The following CATSPERD variants were observed in gnomAD, a reference collection of about 807,000 sequenced individuals.
CATSPERD encodes the protein cation channel sperm-associated auxiliary subunit delta.
A neutral mutation model predicts 98.1 loss-of-function variants in CATSPERD; 86 were observed. The observed-to-expected ratio is 0.88, with a 90% confidence interval of 0.74 to 1.05. The LOEUF is 1.05. CATSPERD is among the 50% of genes least tolerant of loss of function. The probability of loss-of-function intolerance (pLI) is 0.00; values close to 1 mark genes in which losing one functional copy is unlikely to be tolerated. For missense variants in CATSPERD, 995 were observed against 1,005.7 expected (o/e 0.99, Z 0.14); for synonymous variants, 394 against 390.2 (o/e 1.01, Z -0.12).
In CATSPERD at chr19:5,745,955, G is replaced by A. The variant is rs201497391; in HGVS notation, c.700G>A (p.Gly234Arg). Residue 234 changes from glycine (G) to arginine (R), a missense_variant, in exon 9 of 22, where the codon GGG (glycine) becomes AGG (arginine). Transcript: ENST00000381624. ...YSDHPLNRSF[G>R]LSFDYNGTLD... is the part of the protein sequence containing the mutation. The stretch of plus-strand genomic sequence containing the variant: ...AGATCACCCCCTCAACCGGAGTTTC[G>A]GGCTGTCTTTTGACTATAATGGGAC... The A allele has an allele frequency of 8.7e-6, 14 of 1,613,890 alleles. No homozygotes were observed. The highest frequency in any genetic ancestry group is 6.7e-5 in the African/African-American group (5 of 74,894).
chr19:5,744,373 AAC>A, intron 7 of CATSPERD, 52 bp from the exon 8 acceptor site: 2 of 1,434,126 alleles, frequency 1.4e-6, no homozygotes, highest in Admixed American at 1.9e-5. Context: ...TAAACCGACA[AAC>A]ACATGTGTAT....
intron 10 of CATSPERD, 103 bp from the exon 11 acceptor site, chr19:5,748,998 G>T: frequency 1.1e-6 from 1 of 888,910 alleles, no homozygotes. Flanking sequence ...TCAAAGTGTT[G>T]GAATTACAGG....
intron 15 of CATSPERD, among the ~76,000 whole-genome samples, chr19:5,761,619 G>GCTGGATGGTGT (rs1555725201): frequency 3.9e-5 from 6 of 151,972 alleles, no homozygotes; most frequent in Admixed American, 2.0e-4. Context: ...GGCGGAAGGC[G>GCTGGATGGTGT]AAGGGGAAAC....
chr19:5,722,864 T>A (rs1333538134), intron 1 of CATSPERD, among the ~76,000 whole-genome samples: 1 of 151,988 alleles, frequency 6.6e-6, no homozygotes, highest in Non-Finnish European at 1.5e-5. Context: ...GACTTCATAA[T>A]TTTCCTCAGC....
rs1429917020 is a variant in CATSPERD, at chr19:5,723,614, CA to C, written c.72-1192del. ...CGAGTAGCTGGGACTACAGGTGCCG[CA>C]ACCACGCCCGGCTAATTTTTTTGTG... is the stretch of plus-strand genomic sequence containing the variant. On this transcript the variant is annotated intron_variant, in intron 1 of 21. Coordinates refer to ENST00000381624, the MANE Select transcript of CATSPERD (RefSeq NM_152784.4). Among the ~76,000 whole-genome samples, 4 of 151,136 alleles carry C rather than the reference CA, an allele frequency of 2.6e-5. No homozygotes were observed. In the East Asian group the frequency reaches 7.8e-4, roughly 30 times the overall value.
In CATSPERD at chr19:5,758,758, G is replaced by GA. The variant is rs372154578; in HGVS notation, c.1369-320dup. ...ACTCAGTCTTAAAAAAAAAAGAGAA[G>GA]AAAAAAAAGGCAAACATTAGCCAGG... On this transcript the variant is annotated intron_variant, in intron 14 of 21. Coordinates refer to ENST00000381624, the MANE Select transcript of CATSPERD (RefSeq NM_152784.4). Among the ~76,000 whole-genome samples, 407 of 147,770 alleles carry GA rather than the reference G, an allele frequency of 2.8e-3. 1 individual carries two copies. The highest frequency in any genetic ancestry group is 9.5e-3 in the African/African-American group (382 of 40,136).
chr19:5,759,728 A>G (rs1281846461), intron 15 of CATSPERD, among the ~76,000 whole-genome samples: 1 of 151,926 alleles, frequency 6.6e-6, no homozygotes, highest in Non-Finnish European at 1.5e-5. Context: ...AGATGAAAGG[A>G]TGAACACAGC....
intron 21 of CATSPERD, 68 bp from the exon 22 acceptor site, chr19:5,778,308 G>T: frequency 6.9e-7 from 1 of 1,445,612 alleles, no homozygotes; most frequent in South Asian, 1.3e-5. Context: ...GAACACCTTT[G>T]CCAGAGATAA....
At chr19:5,755,700 G>T (rs2056311678) in intron 13 of CATSPERD, among the ~76,000 whole-genome samples, 1 of 152,058 alleles carries the variant, frequency 6.6e-6, no homozygotes. Context: ...TTGAACCCAG[G>T]AGGCGGAGGT....
chr19:5,751,958 T>C, intron 12 of CATSPERD, 135 bp downstream of exon 12: 1 of 820,282 alleles, frequency 1.2e-6, no homozygotes, highest in Admixed American at 3.3e-5. Context: ...AGGCCAGGAG[T>C]TCAAGACCAG....
chr19:5,729,875 A>G lies in CATSPERD; in HGVS notation c.207A>G (p.Lys69=). 6.4e-7 allele frequency: 1 copy of G among 1,572,472 alleles called. No homozygotes were observed. Among genetic ancestry groups the G allele is most frequent in the Non-Finnish European group, 8.7e-7 (1 of 1,148,298 alleles). Residue 69 remains lysine, a synonymous_variant, in exon 4 of 22, where the codon AAA becomes AAG. Coordinates refer to ENST00000381624, the MANE Select transcript of CATSPERD (RefSeq NM_152784.4). ...ACTTATTTATTGTTTATTTCAGGAA[A>G]CAAGTTTTTTTCACAATGGATAACT... The part of the protein sequence containing the change: ...CEKNIALYLG[K]QVFFTMDNFE...
intron 17 of CATSPERD, among the ~76,000 whole-genome samples, chr19:5,767,145 G>A (rs1284631815): frequency 1.3e-5 from 2 of 150,660 alleles, no homozygotes; most frequent in Non-Finnish European, 3.0e-5. Context: ...GTGAAACCCC[G>A]TCTCTACTAA....
At chr19:5,734,119 C>T in intron 5 of CATSPERD, 149 bp downstream of exon 5, 1 of 580,674 alleles carries the variant, frequency 1.7e-6, no homozygotes, top group Non-Finnish European at 3.0e-6. Flanking sequence ...GAAAATTGGC[C>T]TGAGTCCCCA....
intron 3 of CATSPERD, among the ~76,000 whole-genome samples, chr19:5,727,791 G>T (rs2055633562): frequency 6.6e-6 from 1 of 152,048 alleles, no homozygotes; most frequent in Non-Finnish European, 1.5e-5. Flanking sequence ...AGGAAACCAG[G>T]TATGTCCACC....
chr19:5,734,014 A>C, intron 5 of CATSPERD, 44 bp downstream of exon 5: 1 of 1,179,888 alleles, frequency 8.5e-7, no homozygotes, highest in Admixed American at 2.0e-5. Context: ...AGTGTAGTCA[A>C]CATGAGAGAA....
chr19:5,733,335 C>CCTT (rs2055768653), intron 4 of CATSPERD, among the ~76,000 whole-genome samples: 4 of 122,976 alleles, frequency 3.3e-5, no homozygotes, highest in Admixed American at 2.9e-4. Flanking sequence ...TTCTTTCTTT[C>CCTT]CTTTCTTTCT....
intron 7 of CATSPERD, among the ~76,000 whole-genome samples, chr19:5,741,012 G>A (rs2055952008): frequency 6.6e-6 from 1 of 152,048 alleles, no homozygotes; most frequent in Non-Finnish European, 1.5e-5. Flanking sequence ...TTGAGCCTGG[G>A]ATGTGGAGGT....
chr19:5,728,294 G>T (rs967294110), intron 3 of CATSPERD, among the ~76,000 whole-genome samples: 2 of 147,316 alleles, frequency 1.4e-5, no homozygotes, highest in Non-Finnish European at 1.5e-5. Flanking sequence ...GGAGTCGGAG[G>T]TTGCAGTGAG....
At position 5,766,244 on chromosome 19, in the gene CATSPERD, A is replaced by T. The variant is rs923204724; in HGVS notation, c.1559+89A>T. 1.7e-5 allele frequency: 16 copies of T among 935,288 alleles called. No homozygotes were observed. The East Asian group carries it at 4.5e-4, about 26-fold the overall frequency. The allele number at this position is 935,288 out of a possible 1,614,324, so 57.9% of individuals were successfully genotyped here. On this transcript the variant is annotated intron_variant, in intron 17 of 21. Coordinates refer to ENST00000381624, the MANE Select transcript of CATSPERD (RefSeq NM_152784.4). Reference sequence around the variant, plus strand: ...GGTGGGCAGATCACTTCAGGTCAGGAGTTCAAGACCAGCCTGGCCAACATG... The same window carrying T: ...GGTGGGCAGATCACTTCAGGTCAGGTGTTCAAGACCAGCCTGGCCAACATG...
Sources: gnomAD v4.1 joint callset for allele counts (sites outside exome capture counted in the v4.1 genomes callset) on GRCh38, gnomAD v4.1.1 for gene constraint, MANE v1.5 for transcripts, NCBI Gene and HGNC (gene_info 2026-07-23, HGNC 2026-07-21) for gene names.